The following PCSK9 variants were observed in gnomAD, a reference collection of about 807,000 sequenced individuals.
PCSK9 encodes the protein convertase subtilisin/kexin type 9 preproprotein.
PCSK9 carries 57 observed loss-of-function variants against 62.1 expected under a neutral mutation model. That is an observed-to-expected ratio of 0.92 (90% CI 0.74 to 1.14). PCSK9 has a LOEUF of 1.14. Ranked by LOEUF, PCSK9 falls within the 50% of genes most tolerant of loss-of-function variation. PCSK9 has a pLI of 0.00. For missense variants in PCSK9, 870 were observed against 959.8 expected (o/e 0.91, Z 1.24); for synonymous variants, 387 against 409.4 (o/e 0.95, Z 0.66).
chr1:55,061,458 G>T lies in PCSK9; in HGVS notation c.1765G>T (p.Val589Leu). ...GCCACGAGGTCAGCCCAACCAGTGC[G>T]TGGGCCACAGGGAGGCCAGCATCCA... Reference protein sequence around the residue: ...LRPRGQPNQCVGHREASIHAS... With the variant: ...LRPRGQPNQCLGHREASIHAS... Residue 589 changes from valine (V) to leucine (L), a missense_variant, in exon 11 of 12, where the codon GTG becomes TTG. Transcript: ENST00000302118. 6.2e-7 allele frequency: 1 copy of T among 1,608,158 alleles called. No homozygotes were observed. The highest frequency in any genetic ancestry group is 8.5e-7 in the Non-Finnish European group (1 of 1,178,058).
At chr1:55,060,214 T>C (rs1363099525) in intron 10 of PCSK9, among the ~76,000 whole-genome samples, 1 of 152,244 alleles carries the variant, frequency 6.6e-6, no homozygotes, top group African/African-American at 2.4e-5. Flanking sequence ...TAGGCAACTA[T>C]TGACGGGCTA....
intron 1 of PCSK9, among the ~76,000 whole-genome samples, chr1:55,041,668 C>A (rs2100259506): frequency 6.6e-6 from 1 of 152,262 alleles, no homozygotes; most frequent in Non-Finnish European, 1.5e-5. Context: ...CAATCCTTTT[C>A]TTTTAGTCAT....
Position 55,056,256 on chromosome 1 carries a change from G to T in PCSK9, c.996+67G>T. 6 of 1,018,898 alleles carry T rather than the reference G, an allele frequency of 5.9e-6. 1 individual carries two copies. Among genetic ancestry groups the T allele is most frequent in the South Asian group, 2.7e-5 (1 of 37,296 alleles). 63.1% of individuals were successfully genotyped at this position (1,018,898 alleles called of 1,614,324 possible). ...GGAGGGCGGAGGGCGGAGGGAGGGC[G>T]GGCGGGCAGGCGGGCTTCTTGTGGC... On this transcript the variant is annotated intron_variant, in intron 6 of 11. Coordinates refer to ENST00000302118, the MANE Select transcript of PCSK9 (RefSeq NM_174936.4).
At chr1:55,063,024 C>A (rs2100341991) in intron 11 of PCSK9, among the ~76,000 whole-genome samples, 1 of 152,108 alleles carries the variant, frequency 6.6e-6, no homozygotes, top group South Asian at 2.1e-4. Flanking sequence ...AAGGCTCGGG[C>A]CCCTGGACAG....
intron 10 of PCSK9, among the ~76,000 whole-genome samples, chr1:55,060,836 C>A (rs1160255236): frequency 1.3e-5 from 2 of 152,208 alleles, no homozygotes. Flanking sequence ...TGGGGCTTCG[C>A]ACGTGTCATC....
chr1:55,052,383 A>C lies in PCSK9; in HGVS notation c.629A>C (p.Glu210Ala). ...VMVTDFENVP[E>A]EDGTRFHRQA... is the part of the protein sequence containing the mutation. ...GTCACCGACTTCGAGAATGTGCCCG[A>C]GGAGGACGGGACCCGCTTCCACAGA... Residue 210 changes from glutamate (E) to alanine (A), a missense_variant, in exon 4 of 12, where the codon GAG (glutamate) becomes GCG (alanine). Transcript: ENST00000302118. 1 of 1,613,664 alleles carries C rather than the reference A, an allele frequency of 6.2e-7. No homozygotes were observed. The highest frequency in any genetic ancestry group is 1.3e-5 in the African/African-American group (1 of 74,910).
chr1:55,040,084 C>T lies in PCSK9; in HGVS notation c.207+40C>T. On this transcript the variant is annotated intron_variant, in intron 1 of 11. Transcript: ENST00000302118. This position sits in a 1 kb window ranked among gnomAD's most constrained non-coding sequence, Gnocchi z 4.1. The stretch of plus-strand genomic sequence containing the variant: ...ATGGGAGGCCGGGGCGAACCCGCAG[C>T]CGGGACGGTGCGGTGCTGTTTCCTC... The T allele has an allele frequency of 6.5e-7, 1 of 1,544,452 alleles. No individual in the cohort carries two copies. Among genetic ancestry groups the T allele is most frequent in the Non-Finnish European group, 8.7e-7 (1 of 1,143,390 alleles).
Position 55,057,526 on chromosome 1 carries a change from C to G in PCSK9, c.1180+12C>G. On this transcript the variant is annotated intron_variant, in intron 7 of 11. Transcript: ENST00000302118. ...TGCCCACGTGGCTGGTAAGTCACCA[C>G]CCCACTGCCTCGGCCACCGTGATGC... 6.2e-7 allele frequency: 1 copy of G among 1,605,338 alleles called. No homozygotes were observed. Among genetic ancestry groups the G allele is most frequent in the East Asian group, 2.3e-5 (1 of 44,438 alleles).
intron 1 of PCSK9, 129 bp from the exon 2 acceptor site, chr1:55,043,714 C>G: frequency 4.3e-6 from 5 of 1,151,402 alleles, no homozygotes; most frequent in Non-Finnish European, 6.3e-6. Flanking sequence ...CATTTGGTAA[C>G]TTCTTTATCA....
At chr1:55,049,317 C>T (rs1644657377) in intron 3 of PCSK9, among the ~76,000 whole-genome samples, 1 of 152,328 alleles carries the variant, frequency 6.6e-6, no homozygotes, top group South Asian at 2.1e-4. Flanking sequence ...TGGGTGGCCT[C>T]CAGGTCAGAT....
chr1:55,039,861 G>A lies in PCSK9; in HGVS notation c.24G>A (p.Arg8=). The A allele has an allele frequency of 1.3e-6, 2 of 1,563,966 alleles. No individual in the cohort carries two copies. Among genetic ancestry groups the A allele is most frequent in the Non-Finnish European group, 1.7e-6 (2 of 1,155,114 alleles). ...TCATGGGCACCGTCAGCTCCAGGCG[G>A]TCCTGGTGGCCGCTGCCACTGCTGC... MGTVSSR[R]SWWPLPLLLL... is the part of the protein sequence containing the mutation. The change falls in exon 1 of 12, where the codon CGG becomes CGA. Residue 8 remains arginine, a synonymous_variant. Coordinates refer to ENST00000302118, the MANE Select transcript of PCSK9 (RefSeq NM_174936.4).
chr1:55,058,710 T>C (rs913936983), intron 9 of PCSK9, 63 bp downstream of exon 9: 55 of 1,469,452 alleles, frequency 3.7e-5, no homozygotes, highest in African/African-American at 5.4e-5. Context: ...TGTGTGTGTG[T>C]GTGTGTGTCA....
At chr1:55,044,978 A>G (rs1328265576) in intron 2 of PCSK9, among the ~76,000 whole-genome samples, 1 of 152,222 alleles carries the variant, frequency 6.6e-6, no homozygotes, top group Non-Finnish European at 1.5e-5. Context: ...GCCTTCCATC[A>G]GTCTGCTCAA....
intron 3 of PCSK9, chr1:55,051,802 C>T (rs576806431): frequency 5.9e-4 from 155 of 263,850 alleles, no homozygotes; most frequent in African/African-American, 3.1e-3. Flanking sequence ...ACATCCTGTC[C>T]GAGCTGCAGC....
chr1:55,058,330 A>C, intron 8 of PCSK9, 121 bp downstream of exon 8: 2 of 1,485,406 alleles, frequency 1.3e-6, no homozygotes, highest in Non-Finnish European at 1.8e-6. Flanking sequence ...AAATAGGATT[A>C]AATGAGAATG....
At chr1:55,061,876 T>C (rs745444129) in intron 11 of PCSK9, among the ~76,000 whole-genome samples, 13 of 152,228 alleles carry the variant, frequency 8.5e-5, no homozygotes, top group Non-Finnish European at 1.2e-4. Context: ...TTTTCTGAGA[T>C]GGGGTCTTGC....
intron 3 of PCSK9, among the ~76,000 whole-genome samples, chr1:55,049,625 G>A (rs979978413): frequency 5.3e-5 from 8 of 152,316 alleles, no homozygotes; most frequent in Admixed American, 3.9e-4. Flanking sequence ...TGTCTCATCC[G>A]AGCTGGGCCC....
intron 6 of PCSK9, among the ~76,000 whole-genome samples, chr1:55,056,760 C>T (rs1644718383): frequency 1.3e-5 from 2 of 152,246 alleles, no homozygotes; most frequent in Admixed American, 6.5e-5. Flanking sequence ...GGGCAGTGAC[C>T]GTCCCTCCTC....
In PCSK9 at chr1:55,039,969, C is replaced by G. The variant is rs1178309760; in HGVS notation, c.132C>G (p.Ala44=). The part of the protein sequence containing the change: ...EDGDYEELVL[A]LRSEEDGLAE... ...GCGACTACGAGGAGCTGGTGCTAGC[C>G]TTGCGTTCCGAGGAGGACGGCCTGG... The change falls in exon 1 of 12, where the codon GCC becomes GCG. Residue 44 remains alanine, a synonymous_variant. Coordinates refer to ENST00000302118, the MANE Select transcript of PCSK9 (RefSeq NM_174936.4). 1 of 1,580,106 alleles carries G rather than the reference C, an allele frequency of 6.3e-7. No homozygotes were observed. The highest frequency in any genetic ancestry group is 1.8e-5 in the Admixed American group (1 of 55,370).
Sources: allele counts gnomAD v4.1 joint callset (sites outside exome capture counted in the v4.1 genomes callset), GRCh38; gene constraint gnomAD v4.1.1; non-coding constraint Gnocchi (gnomAD v3.1); transcripts MANE v1.5; gene names NCBI Gene and HGNC (gene_info 2026-07-23, HGNC 2026-07-21).